SCN11A: variants seen among roughly 807,000 people sequenced by gnomAD.
SCN11A encodes sodium voltage-gated channel alpha subunit 11, also known as sodium channel protein type 11 subunit alpha.
Under a neutral mutation model 162.2 loss-of-function variants are expected in SCN11A, and 122 were observed. The observed-to-expected ratio is 0.75, with a 90% CI of 0.65 to 0.87. SCN11A has a LOEUF of 0.87. Ranked by LOEUF, SCN11A falls within the 40% of genes least tolerant of loss-of-function variation. The pLI, the probability that SCN11A is intolerant of heterozygous loss-of-function variation, is 0.00. For synonymous variants in SCN11A, 758 were observed against 751.5 expected (o/e 1.01, Z -0.14); for missense variants, 2,015 against 2,181.6 (o/e 0.92, Z 1.52).
intron 2 of SCN11A, among the ~76,000 whole-genome samples, chr3:38,961,626 G>A (rs917368896): frequency 1.6e-4 from 25 of 152,242 alleles, no homozygotes; most frequent in Non-Finnish European, 7.3e-5. Context: ...TAAATGCAAC[G>A]TGTGTGTTTG....
chr3:39,006,079 T>A (rs1235251439), intron 2 of SCN11A, among the ~76,000 whole-genome samples: 1 of 152,250 alleles, frequency 6.6e-6, no homozygotes, highest in Non-Finnish European at 1.5e-5. Context: ...TCTATTGTCT[T>A]TTTTGTTCAA....
intron 16 of SCN11A, among the ~76,000 whole-genome samples, chr3:38,902,874 CAAA>C (rs145201334): frequency 0.018 from 2,404 of 131,900 alleles, 68 homozygotes; most frequent in African/African-American, 0.064. Context: ...AAAGACATCA[CAAA>C]AAAAAAAATG....
At chr3:38,866,088 T>C (rs1335825899) in intron 27 of SCN11A, among the ~76,000 whole-genome samples, 1 of 152,154 alleles carries the variant, frequency 6.6e-6, no homozygotes, top group Non-Finnish European at 1.5e-5. Context: ...AAAATGGTCA[T>C]AATTGTTTTA....
At chr3:38,870,057 G>A (rs2065099817) in intron 26 of SCN11A, among the ~76,000 whole-genome samples, 1 of 152,078 alleles carries the variant, frequency 6.6e-6, no homozygotes, top group South Asian at 2.1e-4. Context: ...CTCCATTCTT[G>A]AGCCAACCAT....
At chr3:39,042,944 C>T (rs6806080) in intron 1 of SCN11A, among the ~76,000 whole-genome samples, 3,630 of 114,638 alleles carry the variant, frequency 0.032, 168 homozygotes, top group African/African-American at 0.12. Context: ...GCAACAAGAG[C>T]GAAACTCCAT....
intron 7 of SCN11A, among the ~76,000 whole-genome samples, chr3:38,933,730 C>A (rs1234687456): frequency 6.6e-6 from 1 of 152,136 alleles, no homozygotes; most frequent in Non-Finnish European, 1.5e-5. Flanking sequence ...TATGTGAAAA[C>A]ACCAAATCTA....
At chr3:38,873,333 T>G (rs1401520528) in intron 23 of SCN11A, among the ~76,000 whole-genome samples, 1 of 152,198 alleles carries the variant, frequency 6.6e-6, no homozygotes, top group African/African-American at 2.4e-5. Context: ...ACTAAGCTGA[T>G]GTCAGAGTTC....
chr3:38,870,395 G>A (rs947713902), intron 26 of SCN11A, among the ~76,000 whole-genome samples: 1 of 152,168 alleles, frequency 6.6e-6, no homozygotes, highest in African/African-American at 2.4e-5. Flanking sequence ...AGAAAATCAA[G>A]GCATCCTGTG....
At chr3:38,924,228 CT>C (rs879727620) in intron 9 of SCN11A, among the ~76,000 whole-genome samples, 500 of 144,906 alleles carry the variant, frequency 3.5e-3, no homozygotes, top group Middle Eastern at 7.1e-3. Context: ...CCCTTCAGTC[CT>C]TTTTTTTTTT....
Position 39,012,599 on chromosome 3 carries a change from G to A in SCN11A, c.-280+19781C>T, listed in dbSNP as rs543132170. On this transcript the variant is annotated intron_variant, in intron 2 of 29. Coordinates refer to ENST00000302328, the MANE Select transcript of SCN11A (RefSeq NM_001349253.2). ...AGGTTCAAGCAATTCTCCTGCCTCA[G>A]CCTCCCAAGCAGCTGGGACTACAGG... Among the ~76,000 whole-genome samples the A allele has an allele frequency of 1.7e-3, 257 of 151,186 alleles. 1 individual carries two copies. The highest frequency in any genetic ancestry group is 5.9e-3 in the African/African-American group (241 of 41,184).
intron 28 of SCN11A, among the ~76,000 whole-genome samples, chr3:38,856,973 A>C (rs1405894323): frequency 8.5e-6 from 1 of 117,622 alleles, no homozygotes; most frequent in East Asian, 2.2e-4. Context: ...TTAAAGAGGG[A>C]AAATATTTTA....
At chr3:39,010,895 T>C (rs950526437) in intron 2 of SCN11A, among the ~76,000 whole-genome samples, 1 of 152,078 alleles carries the variant, frequency 6.6e-6, no homozygotes, top group African/African-American at 2.4e-5. Flanking sequence ...GAGGGGTGTG[T>C]GTGGTTTGAA....
chr3:38,905,089 A>G (rs2065771269), intron 15 of SCN11A, 103 bp downstream of exon 15: 1 of 1,512,254 alleles, frequency 6.6e-7, no homozygotes, highest in East Asian at 2.3e-5. Context: ...GGTTGGTTCC[A>G]AAACAGCCTC....
chr3:38,847,458 CAA>C lies in SCN11A; in HGVS notation c.4610_4611del (p.Phe1537CysfsTer31), dbSNP rs750015613. On this transcript the variant is annotated frameshift_variant, in exon 30 of 30. Transcript: ENST00000302328. LOFTEE classifies it low-confidence loss of function (END_TRUNC). ...GIDDIFNFKTFASSMLCLFQI... is the reference protein window; with the variant it reads ...GIDDIFNFKTXASSMLCLFQI... ...TGGAAGAGACAGAGCATGCTGCTGG[CAA>C]AAGTCTTGAAGTTGAATATGTCATC... 16 of 1,614,010 alleles carry C rather than the reference CAA, an allele frequency of 9.9e-6. No individual in the cohort carries two copies. The highest frequency in any genetic ancestry group is 1.2e-5 in the Non-Finnish European group (14 of 1,180,038).
At chr3:38,950,459 G>A in intron 4 of SCN11A, 90 bp from the exon 5 acceptor site, 4 of 1,332,116 alleles carry the variant, frequency 3.0e-6, no homozygotes, top group Non-Finnish European at 4.2e-6. Flanking sequence ...CTTAAAGGAT[G>A]GTGTCATAAG....
At position 39,038,018 on chromosome 3, in the gene SCN11A, A is replaced by G. The variant is rs753921600; in HGVS notation, c.-403-5515T>C. ...TCCTAGCAATTTTGTAAGAGAAGGCAAAGAATTAAATGGTAGATTGAAGAG... is the reference window on the plus strand; with the variant it reads ...TCCTAGCAATTTTGTAAGAGAAGGCGAAGAATTAAATGGTAGATTGAAGAG... On this transcript the variant is annotated intron_variant, in intron 1 of 29. Transcript: ENST00000302328. Among the ~76,000 whole-genome samples, 120 of 152,226 alleles carry G rather than the reference A, an allele frequency of 7.9e-4. 3 individuals carry two copies. The highest frequency in any genetic ancestry group is 4.1e-4 in the South Asian group (2 of 4,832).
At chr3:39,036,422 G>C (rs1006685093) in intron 1 of SCN11A, among the ~76,000 whole-genome samples, 1 of 152,136 alleles carries the variant, frequency 6.6e-6, no homozygotes, top group African/African-American at 2.4e-5. Flanking sequence ...TGAGATTACA[G>C]GCAAGAGCCA....
intron 23 of SCN11A, 75 bp from the exon 24 acceptor site, chr3:38,872,369 A>T: frequency 1.3e-6 from 1 of 793,264 alleles, no homozygotes; most frequent in South Asian, 1.4e-5. Context: ...CTCCTTATCT[A>T]CCAAAGCTAC....
chr3:38,845,991 T>C lies in SCN11A; in HGVS notation c.*703A>G, dbSNP rs1488745088. The C allele has an allele frequency of 6.6e-6, 1 of 152,244 alleles. No individual in the cohort carries two copies. Among genetic ancestry groups the C allele is most frequent in the Non-Finnish European group, 1.5e-5 (1 of 68,034 alleles). 9.4% of individuals were successfully genotyped at this position (152,244 alleles called of 1,614,324 possible). Reference sequence around the variant, plus strand: ...AAAGAGCTACATGTGATAAACCACATACTTGCATCAGGAAAATATCAAACA... The same window carrying C: ...AAAGAGCTACATGTGATAAACCACACACTTGCATCAGGAAAATATCAAACA... On this transcript the variant is annotated 3_prime_UTR_variant, in exon 30 of 30. Coordinates refer to ENST00000302328, the MANE Select transcript of SCN11A (RefSeq NM_001349253.2).
Sources: gnomAD v4.1 joint callset for allele counts (sites outside exome capture counted in the v4.1 genomes callset) on GRCh38, gnomAD v4.1.1 for gene constraint, MANE v1.5 for transcripts, NCBI Gene and HGNC (gene_info 2026-07-23, HGNC 2026-07-21) for gene names.